SERINC2: variants seen among roughly 807,000 people sequenced by gnomAD.
The protein encoded by SERINC2 is tumor differentially expressed protein 2.
Under a neutral mutation model 54.2 loss-of-function variants are expected in SERINC2, and 56 were observed. The observed-to-expected ratio is 1.03, with a 90% CI of 0.83 to 1.29. SERINC2 has a LOEUF of 1.29. SERINC2 is among the 50% of genes most tolerant of loss of function. The probability of loss-of-function intolerance (pLI) is 0.00; values close to 1 mark genes in which losing one functional copy is unlikely to be tolerated. For synonymous variants in SERINC2, 272 were observed against 253.1 expected, an observed-to-expected ratio of 1.07 and a Z score of -0.71; for missense variants, 614 against 607.4, an observed-to-expected ratio of 1.01 and a Z score of -0.12.
At position 31,424,900 on chromosome 1, in the gene SERINC2, C is replaced by A. The variant is rs1427140756; in HGVS notation, c.392+27C>A. 1.9e-6 allele frequency: 3 copies of A among 1,584,458 alleles called. No homozygotes were observed. The East Asian group carries it at 6.8e-5, about 36-fold the overall frequency. On this transcript the variant is annotated intron_variant, in intron 3 of 9. Transcript: ENST00000373709. Reference sequence around the variant, plus strand: ...TGAGAGAGGGGTCCCTGCCTGCACCCTGGGACCTTCCCCCAGTGCCTTGCC... The same window carrying A: ...TGAGAGAGGGGTCCCTGCCTGCACCATGGGACCTTCCCCCAGTGCCTTGCC...
At chr1:31,411,342 C>G (rs782254498), upstream of SERINC2, among the ~76,000 whole-genome samples, 1 of 152,208 alleles carries the variant, frequency 6.6e-6, no homozygotes, top group Non-Finnish European at 1.5e-5. Flanking sequence ...ATAGTAACAA[C>G]AACCACAGTG....
At chr1:31,432,210 C>CAGGGTGGAT (rs1641315644) in intron 8 of SERINC2, among the ~76,000 whole-genome samples, 2 of 94,640 alleles carry the variant, frequency 2.1e-5, no homozygotes, top group Admixed American at 1.1e-4. Context: ...AGAGAGTGGA[C>CAGGGTGGAT]AGGGTGGAGA....
intron 8 of SERINC2, among the ~76,000 whole-genome samples, chr1:31,432,084 T>TAGGGTGGATAGGGTGGAG (rs1641280379): frequency 7.4e-5 from 1 of 13,446 alleles, no homozygotes; most frequent in Non-Finnish European, 1.5e-4. Context: ...ACAGGGTGGT[T>TAGGGTGGATAGGGTGGAG]AGGGTGGACA....
chr1:31,432,066 C>CAGGGTGGAT (rs1641273492), intron 8 of SERINC2, among the ~76,000 whole-genome samples: 4 of 15,772 alleles, frequency 2.5e-4, no homozygotes, highest in African/African-American at 3.6e-4. Flanking sequence ...ACAGGGTGGA[C>CAGGGTGGAT]AGGGTGGACA....
At chr1:31,430,719 G>A (rs1367647479) in intron 8 of SERINC2, among the ~76,000 whole-genome samples, 1 of 152,194 alleles carries the variant, frequency 6.6e-6, no homozygotes, top group Non-Finnish European at 1.5e-5. Flanking sequence ...GTAGGTGGTG[G>A]CTGTTCTTAC....
At chr1:31,431,094 T>TCTCCC (rs1216772893) in intron 8 of SERINC2, among the ~76,000 whole-genome samples, 12 of 151,812 alleles carry the variant, frequency 7.9e-5, no homozygotes, top group Non-Finnish European at 1.5e-4. Context: ...TGTCCTCTCC[T>TCTCCC]CTCCCCTCCC....
chr1:31,425,257 C>A, intron 3 of SERINC2, 73 bp from the exon 4 acceptor site: 1 of 1,144,812 alleles, frequency 8.7e-7, no homozygotes, highest in Non-Finnish European at 1.3e-6. Flanking sequence ...GGCTCTGGGG[C>A]CAGGCCCAGT....
At chr1:31,422,927 G>A (rs1640937335) in intron 1 of SERINC2, among the ~76,000 whole-genome samples, 1 of 152,228 alleles carries the variant, frequency 6.6e-6, no homozygotes, top group South Asian at 2.1e-4. Context: ...CTGCTGTCTA[G>A]TGCTGGTATA....
chr1:31,431,692 G>T (rs189326803), intron 8 of SERINC2, among the ~76,000 whole-genome samples: 3 of 152,216 alleles, frequency 2.0e-5, no homozygotes, highest in Non-Finnish European at 4.4e-5. Context: ...AACCCATGAG[G>T]GCCAGGACCA....
At chr1:31,432,308 CT>C (rs1641323426) in intron 8 of SERINC2, among the ~76,000 whole-genome samples, 1 of 151,470 alleles carries the variant, frequency 6.6e-6, no homozygotes, top group South Asian at 2.1e-4. Flanking sequence ...CTCCTTTTCA[CT>C]TTTGTTTGGA....
chr1:31,425,851 A>G lies in SERINC2; in HGVS notation c.548A>G (p.His183Arg), dbSNP rs535631566. ...IQLVLLIDFA[H>R]SWNQRWLGKA... ...CTGGTGCTGCTCATCGACTTTGCGC[A>G]CTCCTGGAACCAGCGGTGGCTGGGC... Residue 183 changes from histidine to arginine, a missense_variant, in exon 5 of 10, where the codon CAC becomes CGC. Physicochemically the swap from His to Arg is conservative, Grantham distance 29. Transcript: ENST00000373709. 14 of 1,613,018 alleles carry G rather than the reference A, an allele frequency of 8.7e-6. No homozygotes were observed. The African/African-American group carries it at 1.3e-4, about 15-fold the overall frequency.
intron 1 of SERINC2, among the ~76,000 whole-genome samples, chr1:31,422,309 AAAC>A (rs1354602343): frequency 8.6e-5 from 13 of 151,200 alleles, no homozygotes; most frequent in African/African-American, 2.4e-4. Flanking sequence ...AAAAAAAAAA[AAAC>A]AAAAAAAGAA....
rs1570021352 is a variant in SERINC2 at position 31,413,822 on chromosome 1, T to A, written c.39+518T>A. ...CTCCGCCTGTCCGTTCGTATTTGTC[T>A]GGTTCCTGTCTGTGTCCGTCGTTCG... is the stretch of plus-strand genomic sequence containing the variant. On this transcript the variant is annotated intron_variant, in intron 1 of 9. Coordinates refer to ENST00000373709, the MANE Select transcript of SERINC2 (RefSeq NM_178865.5). The surrounding 1 kb of genome is among the most constrained non-coding windows in gnomAD (Gnocchi z 5.0). 3 of 1,399,250 alleles carry A rather than the reference T, an allele frequency of 2.1e-6. No homozygotes were observed. In the East Asian group the frequency reaches 9.0e-5, roughly 42 times the overall value. The allele number at this position is 1,399,250 out of a possible 1,614,324, so 86.7% of individuals were successfully genotyped here. A position where few individuals can be genotyped will look rare whatever the true frequency, so the allele number is the denominator to read the frequency against.
At chr1:31,413,114 C>T, upstream of SERINC2, 7 of 1,001,612 alleles carry the variant, frequency 7.0e-6, no homozygotes, top group East Asian at 9.8e-5. The surrounding 1 kb of genome is among the most constrained non-coding windows in gnomAD (Gnocchi z 5.0). Flanking sequence ...CTGGGGAGGC[C>T]CCGAGCGCCG....
intron 4 of SERINC2, among the ~76,000 whole-genome samples, 182 bp downstream of exon 4, chr1:31,425,591 A>G (rs1257265058): frequency 2.0e-5 from 3 of 152,230 alleles, no homozygotes; most frequent in Non-Finnish European, 2.9e-5. Flanking sequence ...TGTGCAACCC[A>G]GGGGTAGGGG....
intron 1 of SERINC2, chr1:31,415,960 A>G (rs1223983817): frequency 1.0e-6 from 1 of 969,808 alleles, no homozygotes; most frequent in East Asian, 1.1e-4. Flanking sequence ...GGATGGGGCC[A>G]CCAGGCAAGC....
At chr1:31,416,703 GTTAT>G (rs1442597614) in intron 1 of SERINC2, among the ~76,000 whole-genome samples, 73 of 152,236 alleles carry the variant, frequency 4.8e-4, no homozygotes, top group African/African-American at 1.7e-3. Flanking sequence ...GAGTTTGTAT[GTTAT>G]TTCATTTTAT....
At position 31,423,860 on chromosome 1, in the gene SERINC2, T is replaced by C. The variant is rs1553133094; in HGVS notation, c.201+6T>C. The C allele has an allele frequency of 6.2e-6, 10 of 1,613,218 alleles. No individual in the cohort carries two copies. The South Asian group carries it at 1.1e-4, about 18-fold the overall frequency. ...TGGAGAGTCAGCTCTACAAGGTGAGTGCCCCAGGGGAGGCAGGGCGGCCTC... is the reference window on the plus strand; with the variant it reads ...TGGAGAGTCAGCTCTACAAGGTGAGCGCCCCAGGGGAGGCAGGGCGGCCTC... On this transcript the variant is annotated splice_donor_region_variant and intron_variant, in intron 2 of 9. Coordinates refer to ENST00000373709, the MANE Select transcript of SERINC2 (RefSeq NM_178865.5).
intron 1 of SERINC2, chr1:31,414,861 A>T: frequency 1.3e-6 from 1 of 768,332 alleles, no homozygotes; most frequent in Middle Eastern, 6.6e-4. Flanking sequence ...TGGTCACCCC[A>T]TCTGGCAGTT....
Sources: allele counts gnomAD v4.1 joint callset (sites outside exome capture counted in the v4.1 genomes callset), GRCh38; gene constraint gnomAD v4.1.1; non-coding constraint Gnocchi (gnomAD v3.1); transcripts MANE v1.5; gene names NCBI Gene and HGNC (gene_info 2026-07-23, HGNC 2026-07-21).